Variants in ADGRA1 observed in about 807,000 individuals in gnomAD.
ADGRA1 encodes adhesion G protein-coupled receptor A1, also known as G-protein coupled receptor 123.
A neutral mutation model predicts 21.3 loss-of-function variants in ADGRA1; 12 were observed. That is an observed-to-expected ratio of 0.56 (90% CI 0.36 to 0.91). ADGRA1 has a LOEUF of 0.91. ADGRA1 is among the 40% of genes least tolerant of loss of function. ADGRA1 has a pLI of 0.01. For synonymous variants in ADGRA1, 385 were observed against 368.8 expected, an observed-to-expected ratio of 1.04 and a Z score of -0.50; for missense variants, 790 against 805.6, an observed-to-expected ratio of 0.98 and a Z score of 0.23.
intron 5 of ADGRA1, among the ~76,000 whole-genome samples, chr10:133,122,534 G>A (rs1302595504): frequency 6.6e-6 from 1 of 152,246 alleles, no homozygotes. Flanking sequence ...CCTGTTTCTT[G>A]TCTCTTTCTT....
intron 5 of ADGRA1, among the ~76,000 whole-genome samples, chr10:133,124,952 G>A (rs1409327459): frequency 1.3e-5 from 2 of 152,232 alleles, no homozygotes; most frequent in Non-Finnish European, 2.9e-5. Context: ...GAAGGAGCCC[G>A]GAGCCGGTGG....
intron 4 of ADGRA1, among the ~76,000 whole-genome samples, chr10:133,101,099 C>T (rs950404242): frequency 2.0e-5 from 3 of 152,224 alleles, no homozygotes; most frequent in Non-Finnish European, 4.4e-5. Flanking sequence ...GAGGAGAATT[C>T]AGCCACTACC....
intron 5 of ADGRA1, among the ~76,000 whole-genome samples, chr10:133,113,448 C>T (rs1169328132): frequency 6.6e-6 from 1 of 152,244 alleles, no homozygotes; most frequent in Non-Finnish European, 1.5e-5. Context: ...TCCTGGGGCT[C>T]CTTCAGCTGG....
In ADGRA1 at chr10:133,116,654, G is replaced by A. The variant is rs540727983; in HGVS notation, c.402-10579G>A. Among the ~76,000 whole-genome samples the A allele has an allele frequency of 8.6e-5, 13 of 152,034 alleles. No homozygotes were observed. The East Asian group carries it at 1.6e-3, about 18-fold the overall frequency. ...GAGACGCAGACACTCAACCAGAAAC[G>A]GGCAGCCCGAGGAGGGCCCCCCTTC... On this transcript the variant is annotated intron_variant, in intron 5 of 6. Transcript: ENST00000392607.
intron 2 of ADGRA1, among the ~76,000 whole-genome samples, chr10:133,089,352 G>A (rs1239814214): frequency 6.6e-6 from 1 of 152,314 alleles, no homozygotes; most frequent in Admixed American, 6.5e-5. Context: ...GCGGACAGAC[G>A]TAGGTGGGCT....
chr10:133,088,309 G>A, intron 1 of ADGRA1, 171 bp downstream of exon 1: 1 of 183,966 alleles, frequency 5.4e-6, no homozygotes, highest in Non-Finnish European at 1.0e-5. Context: ...CGCCCCGCGC[G>A]CCCGGCCCGG....
intron 2 of ADGRA1, chr10:133,095,754 C>T: frequency 1.9e-6 from 3 of 1,598,608 alleles, no homozygotes; most frequent in Non-Finnish European, 2.5e-6. Context: ...GCTCTCGGGC[C>T]CGCTGGCTGC....
intron 5 of ADGRA1, among the ~76,000 whole-genome samples, chr10:133,116,965 C>T (rs975897941): frequency 1.3e-5 from 2 of 152,264 alleles, no homozygotes; most frequent in African/African-American, 4.8e-5. Flanking sequence ...GGACGCTTCT[C>T]ACCATCGCTG....
At position 133,128,116 on chromosome 10, in the gene ADGRA1, T is replaced by C. The variant is rs561014550; in HGVS notation, c.501-213T>C. On this transcript the variant is annotated intron_variant, in intron 6 of 6. Transcript: ENST00000392607. The stretch of plus-strand genomic sequence containing the variant: ...GCCTCTACCCGCACCTGGGACACTT[T>C]CCTGGCTACCCCACCTCCCAAGCTG... 5.5e-5 allele frequency among the ~76,000 whole-genome samples: 8 copies of C among 145,514 alleles called. No homozygotes were observed. In the East Asian group the frequency reaches 1.2e-3, roughly 22 times the overall value.
Position 133,128,861 on chromosome 10 carries a change from C to T in ADGRA1, c.1033C>T (p.His345Tyr), listed in dbSNP as rs1289381985. 1 of 1,580,370 alleles carries T rather than the reference C, an allele frequency of 6.3e-7. No individual in the cohort carries two copies. Among genetic ancestry groups the T allele is most frequent in the Non-Finnish European group, 8.6e-7 (1 of 1,166,742 alleles). The change falls in exon 7 of 7, where the codon CAC (histidine) becomes TAC (tyrosine). Residue 345 changes from histidine (H) to tyrosine (Y), a missense_variant. Physicochemically the swap from His to Tyr is moderately conservative, Grantham distance 83. Transcript: ENST00000392607. ...GAALGRAACL[H>Y]SPGLGQPRGF... ...CGCGCTGGGCCGCGCCGCCTGCCTG[C>T]ACTCGCCGGGACTGGGCCAGCCACG...
At chr10:133,105,235 C>G (rs1851871644) in intron 5 of ADGRA1, among the ~76,000 whole-genome samples, 1 of 152,252 alleles carries the variant, frequency 6.6e-6, no homozygotes, top group Non-Finnish European at 1.5e-5. Context: ...GAAAAGAATG[C>G]CCACACCACT....
At chr10:133,120,757 T>C (rs1486000758) in intron 5 of ADGRA1, among the ~76,000 whole-genome samples, 1 of 152,266 alleles carries the variant, frequency 6.6e-6, no homozygotes, top group Non-Finnish European at 1.5e-5. Flanking sequence ...TTCTTATCAT[T>C]CATGCGTTGC....
At position 133,128,355 on chromosome 10, in the gene ADGRA1, TG is replaced by T. The variant is rs1230265398; in HGVS notation, c.530del (p.Gly177AlafsTer120). The T allele has an allele frequency of 6.4e-7, 1 of 1,562,530 alleles. No individual in the cohort carries two copies. Among genetic ancestry groups the T allele is most frequent in the Non-Finnish European group, 8.7e-7 (1 of 1,155,796 alleles). Reference protein sequence around the residue: ...AYCWMAWEPSLGAFYGPAAII... With the variant: ...AYCWMAWEPSXGAFYGPAAII... ...TGCTGGATGGCCTGGGAGCCCAGCC[TG>T]GGCGCCTTCTACGGCCCAGCCGCCA... On this transcript the variant is annotated frameshift_variant, in exon 7 of 7. Coordinates refer to ENST00000392607, the MANE Select transcript of ADGRA1 (RefSeq NM_001083909.3). LOFTEE classifies it low-confidence loss of function (END_TRUNC).
At position 133,097,023 on chromosome 10, in the gene ADGRA1, A is replaced by G; in HGVS notation, c.53A>G (p.His18Arg). 1.2e-6 allele frequency: 2 copies of G among 1,612,976 alleles called. No homozygotes were observed. Among genetic ancestry groups the G allele is most frequent in the Non-Finnish European group, 8.5e-7 (1 of 1,179,962 alleles). Residue 18 changes from histidine (H) to arginine (R), a missense_variant, in exon 3 of 7, where the codon CAC becomes CGC. Physicochemically the swap from His to Arg is conservative, Grantham distance 29 (BLOSUM62 0). This residue lies in a region of ADGRA1 where 382 missense variants were observed against 415.6 expected (regional missense o/e 0.92). Transcript: ENST00000392607. ...SLPRYPGEFL[H>R]PVVYACTAVM... is the part of the protein sequence containing the mutation. ...CCCCGCTACCCAGGGGAGTTCCTGCACCCCGTGGTGTACGCGTGCACGGCC... is the reference window on the plus strand; with the variant it reads ...CCCCGCTACCCAGGGGAGTTCCTGCGCCCCGTGGTGTACGCGTGCACGGCC...
At chr10:133,098,362 T>C (rs1313421866) in intron 3 of ADGRA1, among the ~76,000 whole-genome samples, 1 of 152,096 alleles carries the variant, frequency 6.6e-6, no homozygotes, top group Non-Finnish European at 1.5e-5. Flanking sequence ...CCTCGGTGTC[T>C]TCATCCGCCA....
In ADGRA1 at chr10:133,129,461, G is replaced by A. The variant is rs181216412; in HGVS notation, c.1633G>A (p.Gly545Arg). 6 of 1,600,590 alleles carry A rather than the reference G, an allele frequency of 3.7e-6. No homozygotes were observed. The highest frequency in any genetic ancestry group is 2.2e-5 in the East Asian group (1 of 44,876). ...LLEGLPFGTD[G>R]TGNIRTGPWK... The stretch of plus-strand genomic sequence containing the variant: ...AGAAGGCCTGCCGTTTGGCACCGAC[G>A]GGACCGGCAACATCCGAACGGGACC... Residue 545 changes from glycine (G) to arginine (R), a missense_variant, in exon 7 of 7, where the codon GGG becomes AGG. This residue lies in a region of ADGRA1 where 391 missense variants were observed against 351.5 expected (regional missense o/e 1.11). Transcript: ENST00000392607.
chr10:133,111,174 C>CCGG (rs1445890764), intron 5 of ADGRA1, among the ~76,000 whole-genome samples: 13 of 52,050 alleles, frequency 2.5e-4, no homozygotes, highest in Non-Finnish European at 3.8e-4. Flanking sequence ...ACCTGCCCGC[C>CCGG]GTGAGCACCT....
At chr10:133,105,769 G>A (rs1851883802) in intron 5 of ADGRA1, among the ~76,000 whole-genome samples, 1 of 152,180 alleles carries the variant, frequency 6.6e-6, no homozygotes, top group Non-Finnish European at 1.5e-5. Context: ...CCTGCCCTCT[G>A]GTCAGGGCAA....
intron 5 of ADGRA1, among the ~76,000 whole-genome samples, chr10:133,119,988 A>G (rs1441525176): frequency 6.6e-6 from 1 of 152,238 alleles, no homozygotes; most frequent in Non-Finnish European, 1.5e-5. Context: ...TGGCTCCGTT[A>G]GCCCCTAGCA....
Sources: gnomAD v4.1 joint callset for allele counts (sites outside exome capture counted in the v4.1 genomes callset) on GRCh38, gnomAD v4.1.1 for gene constraint, gnomAD v4.1.1 regional missense constraint, MANE v1.5 for transcripts, NCBI Gene and HGNC (gene_info 2026-07-23, HGNC 2026-07-21) for gene names.